ZSCAN30: variants seen among roughly 807,000 people sequenced by gnomAD.
ZSCAN30 encodes zinc finger and SCAN domain-containing protein 30.
In ZSCAN30, 37 loss-of-function variants were observed where a neutral mutation model predicts 44.3. The observed-to-expected ratio is 0.84, with a 90% CI of 0.64 to 1.10. The LOEUF (loss-of-function observed/expected upper bound fraction) is 1.10, where lower values mean the gene tolerates loss of function less well. ZSCAN30 is among the 50% of genes least tolerant of loss of function. The pLI is 0.00. For synonymous variants in ZSCAN30, 181 were observed against 204.6 expected, an observed-to-expected ratio of 0.88 and a Z score of 0.98; for missense variants, 549 against 582.6, an observed-to-expected ratio of 0.94 and a Z score of 0.59.
chr18:35,273,458 G>C (rs978221146), intron 1 of ZSCAN30, among the ~76,000 whole-genome samples: 1 of 152,202 alleles, frequency 6.6e-6, no homozygotes, highest in African/African-American at 2.4e-5. Flanking sequence ...ACGGACACTT[G>C]GGTGGCTTCG....
Position 35,253,774 on chromosome 18 carries a change from A to G in ZSCAN30, c.1161T>C (p.Cys387=). 6.2e-7 allele frequency: 1 copy of G among 1,613,984 alleles called. No homozygotes were observed. Among genetic ancestry groups the G allele is most frequent in the Middle Eastern group, 1.6e-4 (1 of 6,062 alleles). Residue 387 remains cysteine (C), a synonymous_variant, in exon 4 of 4, where the codon TGT becomes TGC. Coordinates refer to ENST00000333206, the MANE Select transcript of ZSCAN30 (RefSeq NM_001112734.4). ...GGCTGAAGGCCTTCCCACATTCTCC[A>G]CATTCATAAGGCTTCTCTCCAGTGT... is the stretch of plus-strand genomic sequence containing the variant. ...RIHTGEKPYE[C]GECGKAFSRS...
chr18:35,277,073 C>A (rs1294665005), intron 1 of ZSCAN30, among the ~76,000 whole-genome samples: 2 of 152,192 alleles, frequency 1.3e-5, no homozygotes, highest in African/African-American at 4.8e-5. Context: ...TTTGACTGCT[C>A]CAATGGATTT....
In ZSCAN30 at chr18:35,263,553, G is replaced by C; in HGVS notation, c.513C>G (p.Cys171Trp). Residue 171 changes from cysteine to tryptophan, a missense_variant, in exon 3 of 4, where the codon TGC becomes TGG. By Grantham distance (215) the Cys-to-Trp change is radical. Coordinates refer to ENST00000333206, the MANE Select transcript of ZSCAN30 (RefSeq NM_001112734.4). ...CCTGGGACTCCTGAGTCTCAGTCTT[G>C]CACTGGTTCTCTAAGGGCTGCACCG... ...NSPVQPLENQ[C>W]KTETQESQAF... The C allele has an allele frequency of 1.9e-6, 3 of 1,614,174 alleles. No homozygotes were observed. Among genetic ancestry groups the C allele is most frequent in the Non-Finnish European group, 2.5e-6 (3 of 1,180,034 alleles).
At chr18:35,256,667 G>C (rs1482839932) in intron 3 of ZSCAN30, among the ~76,000 whole-genome samples, 4 of 152,176 alleles carry the variant, frequency 2.6e-5, no homozygotes, top group Non-Finnish European at 4.4e-5. Context: ...TCAGGCTCAA[G>C]TCTGGAGGCT....
In ZSCAN30 at chr18:35,263,498, A is replaced by G. The variant is rs1167547440; in HGVS notation, c.553+15T>C. ...CACCTCCATCCTCAACCCCACATGG[A>G]CTGGGGCTTCTCACCTCTCTCCTGG... On this transcript the variant is annotated intron_variant, in intron 3 of 3. Transcript: ENST00000333206. 3 of 1,613,924 alleles carry G rather than the reference A, an allele frequency of 1.9e-6. No individual in the cohort carries two copies. Among genetic ancestry groups the G allele is most frequent in the South Asian group, 1.1e-5 (1 of 91,084 alleles).
intron 3 of ZSCAN30, chr18:35,260,788 T>C (rs2044008503): frequency 1.3e-5 from 2 of 152,176 alleles, no homozygotes; most frequent in Admixed American, 1.3e-4. Context: ...GCAAAAATTT[T>C]CTCCCATTCT....
At chr18:35,266,317 C>T (rs2044147702) in intron 1 of ZSCAN30, among the ~76,000 whole-genome samples, 1 of 151,974 alleles carries the variant, frequency 6.6e-6, no homozygotes, top group Non-Finnish European at 1.5e-5. Flanking sequence ...GTGTGCCCAC[C>T]CAGAGAGTGG....
chr18:35,269,641 T>C (rs570525270), intron 1 of ZSCAN30: 1 of 152,228 alleles, frequency 6.6e-6, no homozygotes. Flanking sequence ...GCTCACTTGA[T>C]ATATGGCTGA....
intron 1 of ZSCAN30, among the ~76,000 whole-genome samples, chr18:35,266,291 G>A (rs1025699284): frequency 2.0e-5 from 3 of 152,162 alleles, no homozygotes; most frequent in Non-Finnish European, 4.4e-5. Flanking sequence ...TGGCCACAGT[G>A]ATGGCTGGAA....
intron 1 of ZSCAN30, chr18:35,285,321 A>T (rs2044532017): frequency 6.6e-6 from 1 of 152,240 alleles, no homozygotes; most frequent in African/African-American, 2.4e-5. Context: ...TTCAATACTC[A>T]TCTTTCAATA....
At chr18:35,283,672 G>A (rs1425409766) in intron 1 of ZSCAN30, 1 of 152,312 alleles carries the variant, frequency 6.6e-6, no homozygotes, top group East Asian at 1.9e-4. Flanking sequence ...ACTGGACTAA[G>A]TACACCACAG....
intron 1 of ZSCAN30, chr18:35,269,457 G>GTA (rs1412852971): frequency 7.9e-5 from 2 of 25,282 alleles, no homozygotes; most frequent in African/African-American, 2.7e-4. Flanking sequence ...ATGACAAGCT[G>GTA]CACGTTTTAC....
chr18:35,279,495 G>T (rs1345397680), intron 1 of ZSCAN30, among the ~76,000 whole-genome samples: 1 of 152,228 alleles, frequency 6.6e-6, no homozygotes, highest in African/African-American at 2.4e-5. Flanking sequence ...ATATCTGCAA[G>T]GGCCCTGTCT....
intron 1 of ZSCAN30, among the ~76,000 whole-genome samples, chr18:35,279,621 G>A (rs2044420644): frequency 1.3e-5 from 2 of 152,354 alleles, no homozygotes; most frequent in Admixed American, 1.3e-4. Context: ...GGCACTGAAA[G>A]ATTTGGTGTC....
intron 1 of ZSCAN30, among the ~76,000 whole-genome samples, chr18:35,276,344 C>G (rs566293529): frequency 6.6e-6 from 1 of 151,548 alleles, no homozygotes; most frequent in African/African-American, 2.4e-5. Context: ...TACATCTATT[C>G]ACATTTTCTA....
intron 1 of ZSCAN30, among the ~76,000 whole-genome samples, chr18:35,287,189 TTG>T (rs2044567233): frequency 6.6e-6 from 1 of 152,154 alleles, no homozygotes; most frequent in African/African-American, 2.4e-5. Context: ...GAGAAAAATA[TTG>T]TGTTCATGGA....
intron 1 of ZSCAN30, chr18:35,270,326 G>A (rs760331101): frequency 1.1e-4 from 17 of 152,178 alleles, no homozygotes; most frequent in Admixed American, 5.9e-4. Flanking sequence ...ATAGGGGAAC[G>A]AGGGAACAAA....
rs538313458 is a variant in ZSCAN30, at chr18:35,257,914, T to C, written c.554-3533A>G. On this transcript the variant is annotated intron_variant, in intron 3 of 3. Coordinates refer to ENST00000333206, the MANE Select transcript of ZSCAN30 (RefSeq NM_001112734.4). ...TTTTCCCTTCCTAATCCTGCTTCTC[T>C]CTCTCCATTACAGATTTTTCCTGAA... 9 of 781,044 alleles carry C rather than the reference T, an allele frequency of 1.2e-5. No individual in the cohort carries two copies. In the Admixed American group the frequency reaches 1.4e-4, roughly 12 times the overall value. 48.4% of individuals were successfully genotyped at this position (781,044 alleles called of 1,614,324 possible).
chr18:35,263,379 A>C, intron 3 of ZSCAN30, 134 bp downstream of exon 3: 1 of 1,110,508 alleles, frequency 9.0e-7, no homozygotes, highest in East Asian at 2.4e-5. Flanking sequence ...CTAAGGAAGA[A>C]TATTTCTAGG....
Sources: allele counts gnomAD v4.1 joint callset (sites outside exome capture counted in the v4.1 genomes callset), GRCh38; gene constraint gnomAD v4.1.1; transcripts MANE v1.5; gene names NCBI Gene and HGNC (gene_info 2026-07-23, HGNC 2026-07-21).